SLC38A8: variants seen among roughly 807,000 people sequenced by gnomAD.
SLC38A8 encodes the protein solute carrier family 38 member 8.
A neutral mutation model predicts 46.0 loss-of-function variants in SLC38A8; 65 were observed. That is an observed-to-expected ratio of 1.41 (90% CI 1.16 to 1.74). The LOEUF (loss-of-function observed/expected upper bound fraction) is 1.74, where lower values mean the gene tolerates loss of function less well. Ranked by LOEUF, SLC38A8 falls within the 40% of genes most tolerant of loss-of-function variation. The pLI is 0.00. For synonymous variants in SLC38A8, 447 were observed against 243.7 expected, an observed-to-expected ratio of 1.83 and a Z score of -7.77; for missense variants, 998 against 567.9, an observed-to-expected ratio of 1.76 and a Z score of -7.70.
At chr16:84,016,887 G>C in intron 8 of SLC38A8, 160 bp from the exon 9 acceptor site, 1 of 1,022,312 alleles carries the variant, frequency 9.8e-7, no homozygotes, top group East Asian at 2.6e-5. Flanking sequence ...ACCCTCAGGG[G>C]TTCTGCCACC....
Position 84,029,546 on chromosome 16 carries a change from G to A in SLC38A8, c.638C>T (p.Ala213Val), listed in dbSNP as rs141539835. Residue 213 changes from alanine to valine, a missense_variant, in exon 6 of 11, where the codon GCC becomes GTC. Coordinates refer to ENST00000299709, the MANE Select transcript of SLC38A8 (RefSeq NM_001080442.3). ...VRESHPSLSP[A>V]SWTSVFSVFP... Reference sequence around the variant, plus strand: ...GACACTGAACACAGAGGTCCAGGAGGCAGGGCTGTAAACAGACAAGAACAG... The same window carrying A: ...GACACTGAACACAGAGGTCCAGGAGACAGGGCTGTAAACAGACAAGAACAG... 5 of 1,614,130 alleles carry A rather than the reference G, an allele frequency of 3.1e-6. No homozygotes were observed. In the South Asian group the frequency reaches 4.4e-5, roughly 14 times the overall value.
intron 5 of SLC38A8, among the ~76,000 whole-genome samples, chr16:84,030,525 T>A (rs143908871): frequency 6.6e-6 from 1 of 151,898 alleles, no homozygotes; most frequent in Non-Finnish European, 1.5e-5. Flanking sequence ...CTGCTTGACT[T>A]CCCTCTTAGA....
At chr16:84,018,201 A>AGC (rs952818888) in intron 7 of SLC38A8, among the ~76,000 whole-genome samples, 21 of 136,998 alleles carry the variant, frequency 1.5e-4, no homozygotes, top group Admixed American at 8.4e-4. Flanking sequence ...AGCAAGGATG[A>AGC]GCTCTGACTC....
At chr16:84,017,020 G>C (rs771979968) in intron 8 of SLC38A8, 120 bp downstream of exon 8, 345 of 1,365,554 alleles carry the variant, frequency 2.5e-4, no homozygotes, top group Non-Finnish European at 3.3e-4. Flanking sequence ...GTTTCCTCCT[G>C]TCTACAATTG....
At chr16:84,022,514 G>A (rs894545100) in intron 7 of SLC38A8, among the ~76,000 whole-genome samples, 1 of 152,232 alleles carries the variant, frequency 6.6e-6, no homozygotes, top group Non-Finnish European at 1.5e-5. Context: ...GGGCTTTGGA[G>A]ACGGCTAGGC....
At chr16:84,018,903 G>A (rs926796336) in intron 7 of SLC38A8, among the ~76,000 whole-genome samples, 2 of 152,246 alleles carry the variant, frequency 1.3e-5, no homozygotes, top group Admixed American at 6.5e-5. Context: ...GCTAAGGCTA[G>A]TTCAATAAGT....
chr16:84,026,074 C>G (rs748884868), intron 6 of SLC38A8, among the ~76,000 whole-genome samples: 4 of 152,244 alleles, frequency 2.6e-5, no homozygotes, highest in Admixed American at 2.6e-4. Context: ...CGGCAGATGC[C>G]CCGAGGTGGG....
At chr16:84,022,028 G>A (rs937031702) in intron 7 of SLC38A8, among the ~76,000 whole-genome samples, 13 of 152,146 alleles carry the variant, frequency 8.5e-5, no homozygotes, top group Non-Finnish European at 2.9e-5. Flanking sequence ...ATTCTTGAGG[G>A]CAGAGGCCTC....
intron 6 of SLC38A8, among the ~76,000 whole-genome samples, chr16:84,025,169 G>A (rs533581010): frequency 4.7e-5 from 7 of 150,454 alleles, no homozygotes; most frequent in East Asian, 4.0e-4. Context: ...TGCTTTTTCC[G>A]GACACACTGG....
chr16:84,012,334 G>A (rs1206818802), intron 10 of SLC38A8, among the ~76,000 whole-genome samples: 2 of 152,170 alleles, frequency 1.3e-5, no homozygotes, highest in Admixed American at 6.5e-5. Flanking sequence ...AAGTACAGAG[G>A]CTCAGTCGTG....
At chr16:84,021,950 C>T (rs1370740821) in intron 7 of SLC38A8, among the ~76,000 whole-genome samples, 1 of 152,150 alleles carries the variant, frequency 6.6e-6, no homozygotes, top group East Asian at 1.9e-4. Context: ...TCTTCTTCTT[C>T]TTATAAAGCC....
At chr16:84,035,985 C>T (rs1324867767) in intron 3 of SLC38A8, among the ~76,000 whole-genome samples, 2 of 152,202 alleles carry the variant, frequency 1.3e-5, no homozygotes. Flanking sequence ...CTGCAGAGTA[C>T]ACATTCTCTG....
At chr16:84,032,038 G>A (rs1181796537) in intron 4 of SLC38A8, 70 bp from the exon 5 acceptor site, 2 of 1,347,924 alleles carry the variant, frequency 1.5e-6, no homozygotes, top group Non-Finnish European at 2.1e-6. Flanking sequence ...GGACAGTAGT[G>A]GGATCTGAAT....
intron 5 of SLC38A8, among the ~76,000 whole-genome samples, chr16:84,029,926 G>A (rs143592533): frequency 2.7e-4 from 41 of 152,328 alleles, no homozygotes; most frequent in African/African-American, 9.1e-4. Flanking sequence ...ATAGCACAAG[G>A]ATGGTTTGAG....
At chr16:84,021,347 G>C (rs1038778770) in intron 7 of SLC38A8, among the ~76,000 whole-genome samples, 2 of 152,202 alleles carry the variant, frequency 1.3e-5, no homozygotes, top group African/African-American at 2.4e-5. Flanking sequence ...TGACAGGAGT[G>C]AGCCACGGCA....
chr16:84,025,939 G>A (rs747542123), intron 6 of SLC38A8, among the ~76,000 whole-genome samples: 24 of 152,178 alleles, frequency 1.6e-4, no homozygotes, highest in Non-Finnish European at 2.9e-4. Flanking sequence ...CTGCACCCCC[G>A]CAGCACTTGT....
chr16:84,026,331 G>C (rs1050772159), intron 6 of SLC38A8, among the ~76,000 whole-genome samples: 1 of 152,174 alleles, frequency 6.6e-6, no homozygotes. Flanking sequence ...CTGGGTTCAA[G>C]GGATTCTGAT....
Position 84,015,684 on chromosome 16 carries a change from A to G in SLC38A8, c.1162+835T>C, listed in dbSNP as rs1304447992. Reference sequence around the variant, plus strand: ...ATTAGTCTGCTCTCATGCTGCTAATAAAGACCTACCAGGGACTAGGTAATG... The same window carrying G: ...ATTAGTCTGCTCTCATGCTGCTAATGAAGACCTACCAGGGACTAGGTAATG... On this transcript the variant is annotated intron_variant, in intron 9 of 10. Coordinates refer to ENST00000299709, the MANE Select transcript of SLC38A8 (RefSeq NM_001080442.3). Among the ~76,000 whole-genome samples, 6 of 152,094 alleles carry G rather than the reference A, an allele frequency of 3.9e-5. No individual in the cohort carries two copies. In the South Asian group the frequency reaches 1.2e-3, roughly 32 times the overall value.
chr16:84,025,133 C>G (rs116461685), intron 6 of SLC38A8, among the ~76,000 whole-genome samples: 1 of 148,362 alleles, frequency 6.7e-6, no homozygotes, highest in Non-Finnish European at 1.5e-5. Flanking sequence ...GGAGGCTCTG[C>G]TCTGTCCAGA....
Sources: allele counts gnomAD v4.1 joint callset (sites outside exome capture counted in the v4.1 genomes callset), GRCh38; gene constraint gnomAD v4.1.1; transcripts MANE v1.5; gene names NCBI Gene and HGNC (gene_info 2026-07-23, HGNC 2026-07-21).